The following DCC variants were observed in gnomAD, a reference collection of about 807,000 sequenced individuals.
DCC encodes DCC netrin 1 receptor, also known as netrin receptor DCC.
In DCC, 58 loss-of-function variants were observed where a neutral mutation model predicts 172.5. That is an observed-to-expected ratio of 0.34 (90% confidence interval 0.27 to 0.42). DCC has a LOEUF of 0.42. DCC is among the 10% of genes least tolerant of loss of function. DCC has a pLI of 1.00. For missense variants in DCC, 1,740 were observed against 1,791.0 expected (o/e 0.97, Z 0.51); for synonymous variants, 709 against 644.5 (o/e 1.10, Z -1.52).
At chr18:53,284,446 G>A (rs2056911740) in intron 12 of DCC, among the ~76,000 whole-genome samples, 1 of 152,074 alleles carries the variant, frequency 6.6e-6, no homozygotes, top group Non-Finnish European at 1.5e-5. Flanking sequence ...TTTTAAAAAT[G>A]GGGGTTTCCC....
chr18:52,869,799 C>A (rs539361109), intron 2 of DCC, among the ~76,000 whole-genome samples: 2 of 152,324 alleles, frequency 1.3e-5, no homozygotes, highest in African/African-American at 4.8e-5. Flanking sequence ...TTGGCCCCAA[C>A]CCTGTTCCAA....
At chr18:52,482,146 C>T (rs925506930) in intron 1 of DCC, among the ~76,000 whole-genome samples, 2 of 152,116 alleles carry the variant, frequency 1.3e-5, no homozygotes, top group Non-Finnish European at 2.9e-5. Flanking sequence ...ACCACACAAA[C>T]ACTTGCACTT....
At chr18:53,245,215 A>T (rs890843061) in intron 12 of DCC, among the ~76,000 whole-genome samples, 1 of 152,096 alleles carries the variant, frequency 6.6e-6, no homozygotes, top group Admixed American at 6.6e-5. Flanking sequence ...TTCCTTCCCC[A>T]TTTCAATCAG....
rs528773445 is a variant in DCC, at chr18:52,792,423, C to T, written c.412+40049C>T. Among the ~76,000 whole-genome samples, 4 of 152,276 alleles carry T rather than the reference C, an allele frequency of 2.6e-5. No individual in the cohort carries two copies. In the East Asian group the frequency reaches 5.8e-4, roughly 22 times the overall value. Reference sequence around the variant, plus strand: ...GGAGATCCTGTTGCCAACACCCCACCAGGGTGGTCAGAGGCCGAGGTCAGT... The same window carrying T: ...GGAGATCCTGTTGCCAACACCCCACTAGGGTGGTCAGAGGCCGAGGTCAGT... On this transcript the variant is annotated intron_variant, in intron 2 of 28. Coordinates refer to ENST00000442544, the MANE Select transcript of DCC (RefSeq NM_005215.4).
chr18:52,654,334 T>C (rs4940199), intron 1 of DCC, among the ~76,000 whole-genome samples: 22,283 of 152,146 alleles, frequency 0.15, 1,824 homozygotes, highest in Non-Finnish European at 0.19. Context: ...ACCATTACCA[T>C]TGAACAAGAT....
At chr18:52,916,712 C>T (rs904587559) in intron 3 of DCC, among the ~76,000 whole-genome samples, 1 of 152,084 alleles carries the variant, frequency 6.6e-6, no homozygotes, top group South Asian at 2.1e-4. Flanking sequence ...TTGAGTTTTG[C>T]TGAAGTGTTC....
chr18:53,512,771 A>C (rs2046273895), intron 27 of DCC, among the ~76,000 whole-genome samples: 1 of 148,786 alleles, frequency 6.7e-6, no homozygotes, highest in South Asian at 2.1e-4. Flanking sequence ...AAAAAGAATA[A>C]AAAGAAATTA....
chr18:53,071,851 G>A (rs1311767839), intron 7 of DCC, among the ~76,000 whole-genome samples: 1 of 152,174 alleles, frequency 6.6e-6, no homozygotes, highest in East Asian at 1.9e-4. Flanking sequence ...TGTTAGGACT[G>A]GGTGCAGTGG....
chr18:52,835,347 A>AT (rs1272893208), intron 2 of DCC, among the ~76,000 whole-genome samples: 1 of 152,308 alleles, frequency 6.6e-6, no homozygotes, highest in African/African-American at 2.4e-5. Context: ...TTTACTTTCT[A>AT]TTTTTTTCCC....
At chr18:53,037,198 G>A (rs894869264) in intron 5 of DCC, among the ~76,000 whole-genome samples, 20 of 151,926 alleles carry the variant, frequency 1.3e-4, no homozygotes, top group African/African-American at 4.8e-4. Context: ...AAGCCATCCT[G>A]GATTTCGTTT....
chr18:53,048,634 T>C (rs1358391701), intron 5 of DCC, among the ~76,000 whole-genome samples: 1 of 149,866 alleles, frequency 6.7e-6, no homozygotes, highest in Non-Finnish European at 1.5e-5. Context: ...ATAAAGAAAA[T>C]GTGATATATA....
intron 1 of DCC, among the ~76,000 whole-genome samples, chr18:52,374,430 G>C (rs1382512099): frequency 6.6e-6 from 1 of 151,876 alleles, no homozygotes; most frequent in Non-Finnish European, 1.5e-5. Flanking sequence ...TTAGCCCCTC[G>C]GTGCTTAGAA....
chr18:52,648,017 G>C (rs766349206), intron 1 of DCC, among the ~76,000 whole-genome samples: 4 of 152,164 alleles, frequency 2.6e-5, no homozygotes, highest in Non-Finnish European at 4.4e-5. Context: ...TGGCCCTTAG[G>C]GCTGAATCTT....
chr18:53,484,010 GA>G (rs1394952807), intron 25 of DCC, among the ~76,000 whole-genome samples: 7 of 143,142 alleles, frequency 4.9e-5, no homozygotes, highest in Admixed American at 1.4e-4. Context: ...TAGATAGATA[GA>G]TATAGTGTGT....
intron 7 of DCC, among the ~76,000 whole-genome samples, chr18:53,125,073 T>G (rs1450239774): frequency 6.6e-6 from 1 of 152,082 alleles, no homozygotes; most frequent in Non-Finnish European, 1.5e-5. Flanking sequence ...CTTGTAACTT[T>G]TTTAAACCTA....
At chr18:52,643,519 A>G (rs1275122573) in intron 1 of DCC, among the ~76,000 whole-genome samples, 2 of 152,200 alleles carry the variant, frequency 1.3e-5, no homozygotes, top group Non-Finnish European at 2.9e-5. Flanking sequence ...TCCTGAAACT[A>G]TATTTTCTAA....
chr18:52,642,940 G>A lies in DCC; in HGVS notation c.92-109114G>A, dbSNP rs113809646. On this transcript the variant is annotated intron_variant, in intron 1 of 28. Coordinates refer to ENST00000442544, the MANE Select transcript of DCC (RefSeq NM_005215.4). The stretch of plus-strand genomic sequence containing the variant: ...AGTGCTGGGATTACAGGCATGAGAC[G>A]TTGCACCTAGCCCTAATAAGATTTT... 4.2e-4 allele frequency among the ~76,000 whole-genome samples: 64 copies of A among 152,252 alleles called. 1 individual carries two copies. Among genetic ancestry groups the A allele is most frequent in the Middle Eastern group, 3.4e-3 (1 of 294 alleles).
intron 2 of DCC, among the ~76,000 whole-genome samples, chr18:52,785,416 C>T (rs1236658594): frequency 6.6e-6 from 1 of 152,088 alleles, no homozygotes; most frequent in East Asian, 1.9e-4. Flanking sequence ...TTACTCTCTG[C>T]TTAAGTAATT....
At chr18:53,251,708 T>C (rs137875757) in intron 12 of DCC, among the ~76,000 whole-genome samples, 3 of 152,074 alleles carry the variant, frequency 2.0e-5, no homozygotes, top group African/African-American at 4.8e-5. Context: ...CTGTACCACA[T>C]AGGTATAGGA....
Sources: gnomAD v4.1 joint callset for allele counts (sites outside exome capture counted in the v4.1 genomes callset) on GRCh38, gnomAD v4.1.1 for gene constraint, MANE v1.5 for transcripts, NCBI Gene and HGNC (gene_info 2026-07-23, HGNC 2026-07-21) for gene names.